TBC1D1: variants seen among roughly 807,000 people sequenced by gnomAD.
The protein encoded by TBC1D1 is TBC1 (tre-2/USP6, BUB2, cdc16) domain family, member 1.
Under a neutral mutation model 125.6 loss-of-function variants are expected in TBC1D1, and 89 were observed. The observed-to-expected ratio is 0.71, with a 90% CI of 0.60 to 0.85. The LOEUF (loss-of-function observed/expected upper bound fraction) is 0.85, where lower values mean the gene tolerates loss of function less well. Ranked by LOEUF, TBC1D1 falls within the 40% of genes least tolerant of loss-of-function variation. TBC1D1 has a pLI of 0.00. For missense variants in TBC1D1, 1,377 were observed against 1,469.2 expected, an observed-to-expected ratio of 0.94 and a Z score of 1.03; for synonymous variants, 565 against 564.1, an observed-to-expected ratio of 1.00 and a Z score of -0.02.
At chr4:38,118,729 C>T (rs1763385572) in intron 17 of TBC1D1, 1 of 152,740 alleles carries the variant, frequency 6.5e-6, no homozygotes, top group African/African-American at 2.4e-5. Flanking sequence ...TCTCCCCGCT[C>T]AGCCTTGACA....
intron 19 of TBC1D1, among the ~76,000 whole-genome samples, chr4:38,134,084 A>T (rs1766060808): frequency 6.6e-6 from 1 of 152,094 alleles, no homozygotes. Flanking sequence ...GTGTTTTTAA[A>T]AGTTGTTTTT....
chr4:38,057,060 C>A lies in TBC1D1; in HGVS notation c.2050+2722C>A, dbSNP rs112447138. ...GCTCCTCCTGTTCCTAGGCCGTAAT[C>A]ACCCCTGATTCATCAGACCCCAAAC... On this transcript the variant is annotated intron_variant, in intron 12 of 19. Transcript: ENST00000261439. 3.6e-3 allele frequency among the ~76,000 whole-genome samples: 549 copies of A among 152,236 alleles called. 4 individuals carry two copies. Among genetic ancestry groups the A allele is most frequent in the African/African-American group, 0.013 (523 of 41,542 alleles).
chr4:37,945,718 T>TC (rs1726565555), intron 2 of TBC1D1, among the ~76,000 whole-genome samples: 1 of 152,066 alleles, frequency 6.6e-6, no homozygotes, highest in Non-Finnish European at 1.5e-5. Context: ...CATCCAGGAT[T>TC]CCCATACAAA....
In TBC1D1 at chr4:37,998,065, C is replaced by T. The variant is rs188736882; in HGVS notation, c.418-16444C>T. Reference sequence around the variant, plus strand: ...CCCCGTCCTCAGCCCTCATCTGTCACGTTCAGTTACCACTTCTTGCCAGCT... The same window carrying T: ...CCCCGTCCTCAGCCCTCATCTGTCATGTTCAGTTACCACTTCTTGCCAGCT... On this transcript the variant is annotated intron_variant, in intron 2 of 19. Coordinates refer to ENST00000261439, the MANE Select transcript of TBC1D1 (RefSeq NM_015173.4). Among the ~76,000 whole-genome samples the T allele has an allele frequency of 1.4e-3, 211 of 152,288 alleles. 6 individuals carry two copies. In the East Asian group the frequency reaches 0.035, roughly 25 times the overall value.
At chr4:37,918,909 A>G (rs758680610) in intron 2 of TBC1D1, among the ~76,000 whole-genome samples, 4 of 152,200 alleles carry the variant, frequency 2.6e-5, no homozygotes, top group Non-Finnish European at 5.9e-5. Flanking sequence ...TATGTATAAC[A>G]TTATGAAAAT....
intron 14 of TBC1D1, among the ~76,000 whole-genome samples, chr4:38,098,933 TAGG>T (rs1759827123): frequency 6.6e-6 from 1 of 152,212 alleles, no homozygotes; most frequent in African/African-American, 2.4e-5. Flanking sequence ...GGTATCAATT[TAGG>T]AGAAGATAAC....
intron 4 of TBC1D1, among the ~76,000 whole-genome samples, chr4:38,019,489 A>G (rs1743538540): frequency 6.6e-6 from 1 of 152,140 alleles, no homozygotes; most frequent in Non-Finnish European, 1.5e-5. Flanking sequence ...AGAGTTTTTA[A>G]TCCTGATTTG....
At chr4:38,009,597 AGAACTGAATATTTCTAATTC>A (rs1288074167) in intron 2 of TBC1D1, among the ~76,000 whole-genome samples, 1 of 152,240 alleles carries the variant, frequency 6.6e-6, no homozygotes, top group Non-Finnish European at 1.5e-5. Context: ...CTTTATTTAC[AGAACTGAATATTTCTAATTC>A]TCTTGGGATG....
At chr4:38,072,586 A>G (rs1754887331) in intron 12 of TBC1D1, among the ~76,000 whole-genome samples, 1 of 152,162 alleles carries the variant, frequency 6.6e-6, no homozygotes, top group Non-Finnish European at 1.5e-5. Context: ...GTAGTGTCAC[A>G]GTTAAGAGTA....
intron 2 of TBC1D1, among the ~76,000 whole-genome samples, chr4:37,982,930 G>A (rs1037083050): frequency 4.6e-5 from 7 of 152,174 alleles, no homozygotes; most frequent in Non-Finnish European, 7.3e-5. Flanking sequence ...TTAGAGTAGC[G>A]TATGCTAAGG....
chr4:37,937,350 T>C (rs957193108), intron 2 of TBC1D1, among the ~76,000 whole-genome samples: 2 of 152,208 alleles, frequency 1.3e-5, no homozygotes, highest in Non-Finnish European at 2.9e-5. Context: ...CGTTCAATGC[T>C]GGGTAGCCTA....
chr4:38,101,132 G>A (rs901969344), intron 14 of TBC1D1, among the ~76,000 whole-genome samples: 4 of 152,196 alleles, frequency 2.6e-5, no homozygotes, highest in Middle Eastern at 3.2e-3. Context: ...TAGTGGCCTC[G>A]CAATCAGTGC....
intron 18 of TBC1D1, among the ~76,000 whole-genome samples, chr4:38,127,493 C>T (rs958091262): frequency 1.3e-5 from 2 of 150,840 alleles, no homozygotes; most frequent in African/African-American, 4.9e-5. Flanking sequence ...CAAGCATTCT[C>T]GTGCCTCAGC....
At chr4:38,001,731 C>T (rs1419050245) in intron 2 of TBC1D1, among the ~76,000 whole-genome samples, 1 of 152,164 alleles carries the variant, frequency 6.6e-6, no homozygotes, top group Non-Finnish European at 1.5e-5. Context: ...TGTGTCAAGA[C>T]CAAATAGTTC....
intron 7 of TBC1D1, among the ~76,000 whole-genome samples, chr4:38,030,123 T>C (rs1473036886): frequency 6.6e-6 from 1 of 152,248 alleles, no homozygotes; most frequent in Non-Finnish European, 1.5e-5. Flanking sequence ...CTTTTTTGTC[T>C]AGACAGCACC....
At chr4:38,065,394 C>A (rs1035509125) in intron 12 of TBC1D1, among the ~76,000 whole-genome samples, 1 of 152,174 alleles carries the variant, frequency 6.6e-6, no homozygotes, top group Admixed American at 6.5e-5. Context: ...CAAGCCGCAG[C>A]AGCTGATAAG....
At chr4:37,960,911 T>A in intron 2 of TBC1D1, 1 of 1,614,164 alleles carries the variant, frequency 6.2e-7, no homozygotes, top group East Asian at 2.2e-5. Context: ...AAAAGCTGTT[T>A]CAGCTGGGCC....
intron 4 of TBC1D1, among the ~76,000 whole-genome samples, chr4:38,020,319 A>T (rs976257100): frequency 2.0e-4 from 30 of 152,052 alleles, no homozygotes; most frequent in African/African-American, 7.2e-4. Flanking sequence ...ATCTACTAAA[A>T]ATACAAAAAT....
intron 13 of TBC1D1, among the ~76,000 whole-genome samples, chr4:38,090,518 A>G (rs1382587775): frequency 6.6e-6 from 1 of 152,194 alleles, no homozygotes; most frequent in Non-Finnish European, 1.5e-5. Flanking sequence ...TAAGTCATTA[A>G]CATACGTAAC....
Sources: allele counts gnomAD v4.1 joint callset (sites outside exome capture counted in the v4.1 genomes callset), GRCh38; gene constraint gnomAD v4.1.1; transcripts MANE v1.5; gene names NCBI Gene and HGNC (gene_info 2026-07-23, HGNC 2026-07-21).